The following TEX14 variants were observed in gnomAD, a reference collection of about 807,000 sequenced individuals.
TEX14 encodes inactive serine/threonine-protein kinase TEX14.
In TEX14, 168 loss-of-function variants were observed where a neutral mutation model predicts 178.6. That is an observed-to-expected ratio of 0.94 (90% CI 0.83 to 1.07). The LOEUF (loss-of-function observed/expected upper bound fraction) is 1.07. TEX14 is among the 50% of genes least tolerant of loss of function. The pLI is 0.00. For missense variants in TEX14, 1,730 were observed against 1,753.6 expected, an observed-to-expected ratio of 0.99 and a Z score of 0.24; for synonymous variants, 626 against 634.1, an observed-to-expected ratio of 0.99 and a Z score of 0.19.
At chr17:58,643,874 C>CA (rs71143262) in intron 2 of TEX14, among the ~76,000 whole-genome samples, 1,309 of 20,552 alleles carry the variant, frequency 0.064, 301 homozygotes, top group African/African-American at 0.07. Context: ...GACTCTGTCT[C>CA]AAAAAAAAAA....
At chr17:58,588,429 G>A (rs2045036060) in intron 15 of TEX14, among the ~76,000 whole-genome samples, 1 of 152,140 alleles carries the variant, frequency 6.6e-6, no homozygotes, top group Non-Finnish European at 1.5e-5. Flanking sequence ...AAGTAGCTGG[G>A]ATTACACATG....
chr17:58,557,490 C>G (rs548175827), intron 31 of TEX14, among the ~76,000 whole-genome samples: 1 of 151,960 alleles, frequency 6.6e-6, no homozygotes, highest in Non-Finnish European at 1.5e-5. Flanking sequence ...AGGCTGGTCT[C>G]GAACTCCTGA....
intron 21 of TEX14, among the ~76,000 whole-genome samples, chr17:58,575,081 C>T (rs994260436): frequency 2.6e-5 from 4 of 151,570 alleles, no homozygotes; most frequent in African/African-American, 9.7e-5. Context: ...AACTATAAGG[C>T]AGATCCCATG....
intron 15 of TEX14, among the ~76,000 whole-genome samples, chr17:58,591,067 G>A (rs1234730118): frequency 6.6e-6 from 1 of 152,068 alleles, no homozygotes; most frequent in Non-Finnish European, 1.5e-5. Context: ...AGGGAAGAGG[G>A]TGCCGAGCAG....
intron 1 of TEX14, among the ~76,000 whole-genome samples, chr17:58,674,363 A>T (rs2047355375): frequency 6.6e-6 from 1 of 152,010 alleles, no homozygotes; most frequent in Admixed American, 6.6e-5. Flanking sequence ...CAGGAGTGAG[A>T]ATAACTTATT....
intron 19 of TEX14, among the ~76,000 whole-genome samples, chr17:58,582,200 A>T (rs1222917112): frequency 1.3e-5 from 2 of 152,320 alleles, no homozygotes; most frequent in African/African-American, 4.8e-5. Context: ...GAAGCATTTT[A>T]AAAACAGCAA....
At chr17:58,661,481 A>G (rs764337424) in intron 1 of TEX14, 1 of 781,480 alleles carries the variant, frequency 1.3e-6, no homozygotes, top group South Asian at 1.3e-5. Flanking sequence ...CTTTTCCTGG[A>G]CTATTCGGGA....
Position 58,574,193 on chromosome 17 carries a change from T to C in TEX14, c.3377A>G (p.Lys1126Arg). Residue 1126 changes from lysine to arginine, a missense_variant, in exon 22 of 32, where the codon AAA becomes AGA. Lys to Arg is a conservative substitution (Grantham distance 26, BLOSUM62 2). Coordinates refer to ENST00000349033, the MANE Select transcript of TEX14 (RefSeq NM_031272.5). ...TTCTCTTTGGTGATCATACATGTCT[T>C]TCTCTTTCAGTTCCTTTGGTGACTC... ...SKESPKELKE[K>R]DISLTDIQDL... 6.2e-7 allele frequency: 1 copy of C among 1,613,060 alleles called. No homozygotes were observed.
intron 24 of TEX14, among the ~76,000 whole-genome samples, chr17:58,571,026 AG>A (rs2044511722): frequency 6.6e-6 from 1 of 152,018 alleles, no homozygotes; most frequent in East Asian, 1.9e-4. Flanking sequence ...AGCTCCTTTG[AG>A]GCAGGGATCA....
intron 14 of TEX14, among the ~76,000 whole-genome samples, 198 bp from the exon 15 acceptor site, chr17:58,593,859 G>A (rs563116891): frequency 4.7e-4 from 71 of 151,998 alleles, no homozygotes; most frequent in African/African-American, 1.5e-3. Flanking sequence ...ATTTTGAGAC[G>A]GAGTCTGGCT....
chr17:58,657,622 G>C (rs2046998355), intron 1 of TEX14, among the ~76,000 whole-genome samples: 1 of 138,158 alleles, frequency 7.2e-6, no homozygotes, highest in Admixed American at 8.1e-5. Flanking sequence ...TCAAACAATT[G>C]AAACAGCCTT....
chr17:58,631,603 C>T (rs1296749908), intron 2 of TEX14: 1 of 147,744 alleles, frequency 6.8e-6, no homozygotes, highest in African/African-American at 2.4e-5. Context: ...ATGAGGAAAC[C>T]AACTACTATT....
At chr17:58,581,825 C>A in intron 19 of TEX14, 1 of 1,363,392 alleles carries the variant, frequency 7.3e-7, no homozygotes, top group Non-Finnish European at 1.0e-6. Context: ...GGTTATCTAA[C>A]ACTACCCAGC....
intron 17 of TEX14, among the ~76,000 whole-genome samples, chr17:58,586,284 C>T (rs533295219): frequency 6.6e-6 from 1 of 152,256 alleles, no homozygotes; most frequent in Non-Finnish European, 1.5e-5. Context: ...AAGGGAATTT[C>T]AGTCAGTTAT....
chr17:58,670,242 C>T (rs1022228579), intron 1 of TEX14, among the ~76,000 whole-genome samples: 13 of 152,142 alleles, frequency 8.5e-5, no homozygotes. Context: ...AGACTACAGA[C>T]TGTCGAAGGA....
At position 58,674,840 on chromosome 17, in the gene TEX14, A is replaced by G. The variant is rs956479770; in HGVS notation, c.-2+17099T>C. Among the ~76,000 whole-genome samples the G allele has an allele frequency of 1.1e-4, 16 of 139,704 alleles. No individual in the cohort carries two copies. The East Asian group carries it at 1.7e-3, about 15-fold the overall frequency. 91.7% of individuals were successfully genotyped at this position (139,704 alleles called of 152,430 possible). A position where few individuals can be genotyped will look rare whatever the true frequency, so the allele number is the denominator to read the frequency against. On this transcript the variant is annotated intron_variant, in intron 1 of 31. Coordinates refer to ENST00000349033, the MANE Select transcript of TEX14 (RefSeq NM_031272.5). ...GATTTATCTTCGATGAGGCCTTTGG[A>G]AAAAAAAAAAAAAAGGCAGGTAGGC...
chr17:58,574,749 A>G (rs2144373319), intron 21 of TEX14, among the ~76,000 whole-genome samples: 1 of 151,130 alleles, frequency 6.6e-6, no homozygotes, highest in African/African-American at 2.4e-5. Flanking sequence ...GTTCTCTGAC[A>G]TGTCTGGGCC....
chr17:58,584,967 G>A (rs1408058816), intron 18 of TEX14, among the ~76,000 whole-genome samples: 2 of 152,100 alleles, frequency 1.3e-5, no homozygotes, highest in Non-Finnish European at 2.9e-5. Flanking sequence ...ATTATCAACT[G>A]AAAATATACA....
intron 2 of TEX14, among the ~76,000 whole-genome samples, chr17:58,637,594 A>C (rs1023654176): frequency 1.3e-5 from 2 of 152,224 alleles, no homozygotes; most frequent in Admixed American, 1.3e-4. Flanking sequence ...ATAGCTGAAC[A>C]TGGAGAGGTT....
Sources: gnomAD v4.1 joint callset for allele counts (sites outside exome capture counted in the v4.1 genomes callset) on GRCh38, gnomAD v4.1.1 for gene constraint, MANE v1.5 for transcripts, NCBI Gene and HGNC (gene_info 2026-07-23, HGNC 2026-07-21) for gene names.